GABRG1: variants seen among roughly 807,000 people sequenced by gnomAD.
GABRG1 encodes gamma-aminobutyric acid receptor subunit gamma-1.
GABRG1 carries 49 observed loss-of-function variants against 49.8 expected under a neutral mutation model. The observed-to-expected ratio is 0.98, with a 90% CI of 0.78 to 1.25. The LOEUF (loss-of-function observed/expected upper bound fraction) is 1.25, where lower values mean the gene tolerates loss of function less well. Among genes scored for constraint, GABRG1 ranks in the 50% most tolerant of loss-of-function variants. The probability of loss-of-function intolerance (pLI) is 0.00; values close to 1 mark genes in which losing one functional copy is unlikely to be tolerated. For synonymous variants in GABRG1, 232 were observed against 185.1 expected (o/e 1.25, Z -2.06); for missense variants, 552 against 552.3 (o/e 1.00, Z 0.01).
At chr4:46,090,893 C>G (rs1011869096) in intron 2 of GABRG1, among the ~76,000 whole-genome samples, 1 of 146,740 alleles carries the variant, frequency 6.8e-6, no homozygotes, top group South Asian at 2.3e-4. Flanking sequence ...GACAAAACTT[C>G]GAATTAAGGG....
Position 46,099,807 on chromosome 4 carries a change from A to C in GABRG1, c.105-2458T>G, listed in dbSNP as rs139598427. Among the ~76,000 whole-genome samples the C allele has an allele frequency of 2.5e-3, 375 of 151,710 alleles. 1 individual carries two copies. The South Asian group carries it at 0.025, about 10-fold the overall frequency. On this transcript the variant is annotated intron_variant, in intron 1 of 8. Coordinates refer to ENST00000295452, the MANE Select transcript of GABRG1 (RefSeq NM_173536.4). Reference sequence around the variant, plus strand: ...AGACCCTAAAACCCATGGTCCTTCTACTATTATTATATTCCCTTACTTTGC... The same window carrying C: ...AGACCCTAAAACCCATGGTCCTTCTCCTATTATTATATTCCCTTACTTTGC...
intron 3 of GABRG1, among the ~76,000 whole-genome samples, chr4:46,073,451 A>G (rs937087548): frequency 6.6e-6 from 1 of 152,052 alleles, no homozygotes; most frequent in Non-Finnish European, 1.5e-5. Flanking sequence ...TTATATTTTG[A>G]CAATTAGTAG....
Position 46,037,992 on chromosome 4 carries a change from A to G in GABRG1, c.*2996T>C, listed in dbSNP as rs1047158529. The G allele has an allele frequency of 1.2e-4, 18 of 151,724 alleles. No individual in the cohort carries two copies. Among genetic ancestry groups the G allele is most frequent in the African/African-American group, 4.3e-4 (18 of 41,406 alleles). 9.4% of individuals were successfully genotyped at this position (151,724 alleles called of 1,614,324 possible). On this transcript the variant is annotated 3_prime_UTR_variant, in exon 9 of 9. Transcript: ENST00000295452. ...ATGCCAGAATATGGAAACACAAGTG[A>G]AAAAATCCTTATGATTGCCTTCATA...
intron 1 of GABRG1, among the ~76,000 whole-genome samples, chr4:46,113,176 T>C (rs1007522949): frequency 8.6e-5 from 13 of 151,128 alleles, no homozygotes; most frequent in Non-Finnish European, 1.6e-4. Flanking sequence ...AGTCCATTTT[T>C]ATACTGCTAT....
chr4:46,070,183 G>A (rs1410083570), intron 3 of GABRG1, among the ~76,000 whole-genome samples: 5 of 151,868 alleles, frequency 3.3e-5, no homozygotes, highest in Admixed American at 6.6e-5. Flanking sequence ...CTGCAGCCTA[G>A]AAACAGCTCT....
chr4:46,074,914 T>C (rs1485024428), intron 3 of GABRG1, among the ~76,000 whole-genome samples: 1 of 152,060 alleles, frequency 6.6e-6, no homozygotes, highest in Non-Finnish European at 1.5e-5. Flanking sequence ...GAAAATTTTG[T>C]CATAATTCTG....
intron 1 of GABRG1, among the ~76,000 whole-genome samples, chr4:46,097,995 A>T (rs1319629849): frequency 6.6e-6 from 1 of 151,738 alleles, no homozygotes; most frequent in African/African-American, 2.4e-5. Context: ...AGGAGGCATA[A>T]CTATCACATT....
At chr4:46,121,782 A>G (rs1721095270) in intron 1 of GABRG1, among the ~76,000 whole-genome samples, 1 of 152,086 alleles carries the variant, frequency 6.6e-6, no homozygotes, top group Non-Finnish European at 1.5e-5. Context: ...GCTTATAAAT[A>G]TATCTTTTAA....
At chr4:46,106,873 C>A (rs1720566069) in intron 1 of GABRG1, among the ~76,000 whole-genome samples, 1 of 150,992 alleles carries the variant, frequency 6.6e-6, no homozygotes, top group Admixed American at 6.6e-5. Flanking sequence ...TCACCTAATT[C>A]ATCTTTCCAG....
intron 1 of GABRG1, among the ~76,000 whole-genome samples, chr4:46,112,335 C>T (rs2109441683): frequency 6.6e-6 from 1 of 151,348 alleles, no homozygotes. Context: ...CAAAAAGCAA[C>T]AGATATAGAC....
chr4:46,051,704 T>A (rs1718230492), intron 7 of GABRG1, 66 bp from the exon 8 acceptor site: 1 of 983,462 alleles, frequency 1.0e-6, no homozygotes, highest in African/African-American at 1.7e-5. Flanking sequence ...TCCATCTGAT[T>A]TGGCAATATT....
At chr4:46,061,819 T>TC (rs1456502487) in intron 5 of GABRG1, among the ~76,000 whole-genome samples, 1 of 151,350 alleles carries the variant, frequency 6.6e-6, no homozygotes, top group African/African-American at 2.4e-5. Context: ...CTTACATTTT[T>TC]TTTTTTTTGG....
chr4:46,114,196 G>A (rs1398847377), intron 1 of GABRG1, among the ~76,000 whole-genome samples: 3 of 151,030 alleles, frequency 2.0e-5, no homozygotes, highest in Non-Finnish European at 4.5e-5. Flanking sequence ...ATAAATAACA[G>A]CATTATAGAT....
At chr4:46,112,723 A>G (rs1185375094) in intron 1 of GABRG1, among the ~76,000 whole-genome samples, 1 of 151,108 alleles carries the variant, frequency 6.6e-6, no homozygotes, top group Non-Finnish European at 1.5e-5. Flanking sequence ...TCTCATTTGT[A>G]AGTGTGAGCC....
At chr4:46,110,861 G>C (rs532814348) in intron 1 of GABRG1, among the ~76,000 whole-genome samples, 1 of 149,934 alleles carries the variant, frequency 6.7e-6, no homozygotes, top group African/African-American at 2.4e-5. Flanking sequence ...AAAATAATAA[G>C]AGTCATCTAT....
chr4:46,082,232 T>C (rs1227864920), intron 3 of GABRG1, among the ~76,000 whole-genome samples: 1 of 151,854 alleles, frequency 6.6e-6, no homozygotes, highest in Non-Finnish European at 1.5e-5. Context: ...ATTCTATGTA[T>C]AAAACATAAA....
intron 7 of GABRG1, among the ~76,000 whole-genome samples, chr4:46,057,733 C>T (rs761645009): frequency 1.3e-5 from 2 of 152,014 alleles, no homozygotes; most frequent in Non-Finnish European, 2.9e-5. Context: ...AGCCAGGGAG[C>T]GTCTTGTTCC....
chr4:46,109,470 G>T (rs1332121219), intron 1 of GABRG1, among the ~76,000 whole-genome samples: 2 of 150,600 alleles, frequency 1.3e-5, no homozygotes, highest in Admixed American at 1.3e-4. Flanking sequence ...TTTAGAAAAG[G>T]TTTCACTGAT....
At chr4:46,117,566 CTCTCTCTCTCTCTCTGTCTCTCTTTG>C (rs1404846396) in intron 1 of GABRG1, among the ~76,000 whole-genome samples, 2 of 141,746 alleles carry the variant, frequency 1.4e-5, no homozygotes, top group Non-Finnish European at 3.1e-5. Flanking sequence ...CTCTCTCTCT[CTCTCTCTCTCTCTCTGTCTCTCTTTG>C]TCTCTCTCTC....
Sources: allele counts gnomAD v4.1 joint callset (sites outside exome capture counted in the v4.1 genomes callset), GRCh38; gene constraint gnomAD v4.1.1; transcripts MANE v1.5; gene names NCBI Gene and HGNC (gene_info 2026-07-23, HGNC 2026-07-21).